The following GPR179 variants were observed in gnomAD, a reference collection of about 807,000 sequenced individuals.
GPR179 encodes G protein-coupled receptor 179.
In GPR179, 52 loss-of-function variants were observed where a neutral mutation model predicts 70.8. The observed-to-expected ratio is 0.73, with a 90% CI of 0.59 to 0.93. The LOEUF (loss-of-function observed/expected upper bound fraction) is 0.93. Among genes scored for constraint, GPR179 ranks in the 40% least tolerant of loss-of-function variants. GPR179 has a pLI of 0.00. For synonymous variants in GPR179, 1,123 were observed against 1,169.0 expected (o/e 0.96, Z 0.80); for missense variants, 2,734 against 2,966.8 (o/e 0.92, Z 1.82).
chr17:38,329,530 A>G lies in GPR179; in HGVS notation c.4039T>C (p.Ser1347Pro). The change falls in exon 11 of 11, where the codon TCT (serine) becomes CCT (proline). Residue 1347 changes from serine (S) to proline (P), a missense_variant. Coordinates refer to ENST00000616987, the MANE Select transcript of GPR179 (RefSeq NM_001004334.4). ...GCCTCCACACTGTCCCCCGCCTCAG[A>G]TTTGTCTCTGATTCTGCCAGGGTCC... ...PQDPGRIRDK[S>P]EAGDSVEARK... 2 of 1,613,622 alleles carry G rather than the reference A, an allele frequency of 1.2e-6. No individual in the cohort carries two copies. Among genetic ancestry groups the G allele is most frequent in the Non-Finnish European group, 1.7e-6 (2 of 1,179,920 alleles).
chr17:38,339,541 G>A lies in GPR179; in HGVS notation c.795-16C>T, dbSNP rs1307938553. The A allele has an allele frequency of 1.9e-5, 30 of 1,557,816 alleles. No homozygotes were observed. The highest frequency in any genetic ancestry group is 2.7e-5 in the Non-Finnish European group (30 of 1,128,870). ...CACCTGCCCCCTACGGCAGTGAATT[G>A]GCAATTAGGGGCACAGTGATTGATG... On this transcript the variant is annotated splice_polypyrimidine_tract_variant and intron_variant, in intron 1 of 10. Transcript: ENST00000616987.
intron 2 of GPR179, chr17:38,339,186 A>C: frequency 2.1e-6 from 1 of 479,432 alleles, no homozygotes; most frequent in Non-Finnish European, 3.7e-6. Flanking sequence ...TGAACTTTCA[A>C]AGGAATGAGG....
At position 38,334,294 on chromosome 17, in the gene GPR179, G is replaced by C. The variant is rs1157033621; in HGVS notation, c.1785-256C>G. ...CACAGACCTGTGCTCCAGACTCTTAGGCCCACTCTGTGGGTTAACTCTGCC... is the reference window on the plus strand; with the variant it reads ...CACAGACCTGTGCTCCAGACTCTTACGCCCACTCTGTGGGTTAACTCTGCC... On this transcript the variant is annotated intron_variant, in intron 8 of 10. Coordinates refer to ENST00000616987, the MANE Select transcript of GPR179 (RefSeq NM_001004334.4). This position sits in a 1 kb window ranked among gnomAD's most constrained non-coding sequence, Gnocchi z 4.7. Among the ~76,000 whole-genome samples the C allele has an allele frequency of 6.6e-6, 1 of 152,196 alleles. No individual in the cohort carries two copies. The highest frequency in any genetic ancestry group is 2.4e-5 in the African/African-American group (1 of 41,444).
chr17:38,335,545 G>T, intron 6 of GPR179, 46 bp downstream of exon 6: 1 of 1,322,472 alleles, frequency 7.6e-7, no homozygotes, highest in Non-Finnish European at 1.1e-6. Context: ...GAGCTGGGGT[G>T]GTCTGGGATG....
intron 5 of GPR179, among the ~76,000 whole-genome samples, 179 bp downstream of exon 5, chr17:38,335,894 CTAA>C (rs1567726122): frequency 6.6e-6 from 1 of 152,206 alleles, no homozygotes; most frequent in East Asian, 1.9e-4. Context: ...CACAGAGCTC[CTAA>C]TAAGCCTGAG....
In GPR179 at chr17:38,339,513, C is replaced by A. The variant is rs774820011; in HGVS notation, c.807G>T (p.Gln269His). ...DLSPEVRGQV[Q>H]MDVDLQSVDI... Reference sequence around the variant, plus strand: ...CCACACTCTGGAGATCTACGTCCATCTGCACCTGCCCCCTACGGCAGTGAA... The same window carrying A: ...CCACACTCTGGAGATCTACGTCCATATGCACCTGCCCCCTACGGCAGTGAA... Residue 269 changes from glutamine (Q) to histidine (H), a missense_variant, in exon 2 of 11, where the codon CAG becomes CAT. Physicochemically the swap from Gln to His is conservative, Grantham distance 24. Transcript: ENST00000616987. 1 of 1,613,658 alleles carries A rather than the reference C, an allele frequency of 6.2e-7. No homozygotes were observed. The highest frequency in any genetic ancestry group is 8.5e-7 in the Non-Finnish European group (1 of 1,179,564).
chr17:38,326,273 G>T lies in GPR179; in HGVS notation c.*192C>A. On this transcript the variant is annotated 3_prime_UTR_variant, in exon 11 of 11. Transcript: ENST00000616987. ...GAAAAGTTAGAAGTAAAGAGAGGGT[G>T]GGCCTTCCCATTGGGGTCTAAGCTG... 1 of 532,880 alleles carries T rather than the reference G, an allele frequency of 1.9e-6. No homozygotes were observed. The allele number at this position is 532,880 out of a possible 1,614,324, so 33.0% of individuals were successfully genotyped here.
In GPR179 at chr17:38,343,387, G is replaced by C; in HGVS notation, c.403C>G (p.Arg135Gly). ...CTTGGGTCCCCCTCGGCCACGCTGCGGACCAGTGCCTGGTACCATTCCACA... is the reference window on the plus strand; with the variant it reads ...CTTGGGTCCCCCTCGGCCACGCTGCCGACCAGTGCCTGGTACCATTCCACA... ...EDVEWYQALVRSVAEGDPRVY... is the reference protein window; with the variant it reads ...EDVEWYQALVGSVAEGDPRVY... Residue 135 changes from arginine to glycine, a missense_variant, in exon 1 of 11, where the codon CGC becomes GGC. Coordinates refer to ENST00000616987, the MANE Select transcript of GPR179 (RefSeq NM_001004334.4). This position sits in a 1 kb window ranked among gnomAD's most constrained non-coding sequence, Gnocchi z 4.2. 1 of 1,614,134 alleles carries C rather than the reference G, an allele frequency of 6.2e-7. No individual in the cohort carries two copies. Among genetic ancestry groups the C allele is most frequent in the Non-Finnish European group, 8.5e-7 (1 of 1,180,026 alleles).
Position 38,329,697 on chromosome 17 carries a change from CCT to C in GPR179, c.3870_3871del (p.Glu1292GlyfsTer56). 2.5e-6 allele frequency: 4 copies of C among 1,614,198 alleles called. No individual in the cohort carries two copies. The highest frequency in any genetic ancestry group is 3.4e-6 in the Non-Finnish European group (4 of 1,180,040). On this transcript the variant is annotated frameshift_variant, in exon 11 of 11. Coordinates refer to ENST00000616987, the MANE Select transcript of GPR179 (RefSeq NM_001004334.4). LOFTEE classifies it low-confidence loss of function (END_TRUNC). ...GGGCTCTGATTTTCCCCGGGCCTCC[CCT>C]CTCTTTTTTTGGGAGTCACCTGGGT...
chr17:38,339,221 G>A (rs556348724), intron 2 of GPR179, 196 bp downstream of exon 2: 1 of 527,076 alleles, frequency 1.9e-6, no homozygotes, highest in African/African-American at 2.0e-5. Flanking sequence ...AATAGGGGGT[G>A]GGGGGGCAGG....
rs140827780 is a variant in GPR179, at chr17:38,338,129, A to G, written c.904-409T>C. 1.9e-3 allele frequency among the ~76,000 whole-genome samples: 292 copies of G among 152,318 alleles called. 5 individuals are homozygous for G. The highest frequency in any genetic ancestry group is 0.016 in the Admixed American group (250 of 15,308). ...CTTCAAAGGGTCCCCATCAGCTTCCATCTTTGGCACACAAATGGACTGGAA... is the reference window on the plus strand; with the variant it reads ...CTTCAAAGGGTCCCCATCAGCTTCCGTCTTTGGCACACAAATGGACTGGAA... On this transcript the variant is annotated intron_variant, in intron 2 of 10. Transcript: ENST00000616987.
In GPR179 at chr17:38,327,717, C is replaced by G; in HGVS notation, c.5852G>C (p.Ser1951Thr). The G allele has an allele frequency of 2.5e-6, 4 of 1,614,174 alleles. No homozygotes were observed. The highest frequency in any genetic ancestry group is 3.4e-6 in the Non-Finnish European group (4 of 1,180,028). ...TGGACAGACGGATTGTAGCTCATGGCTTGTTTTTTCCCCATCTTCAGTAGT... is the reference window on the plus strand; with the variant it reads ...TGGACAGACGGATTGTAGCTCATGGGTTGTTTTTTCCCCATCTTCAGTAGT... The part of the protein sequence containing the change: ...EFTTEDGEKT[S>T]HELQSVCPWE... The change falls in exon 11 of 11, where the codon AGC becomes ACC. Residue 1951 changes from serine (S) to threonine (T), a missense_variant. Transcript: ENST00000616987.
Position 38,326,766 on chromosome 17 carries a change from G to A in GPR179, c.6803C>T (p.Pro2268Leu), listed in dbSNP as rs1275672251. The A allele has an allele frequency of 6.2e-7, 1 of 1,614,202 alleles. No individual in the cohort carries two copies. The highest frequency in any genetic ancestry group is 1.7e-5 in the Admixed American group (1 of 60,026). Residue 2268 changes from proline to leucine, a missense_variant, in exon 11 of 11, where the codon CCC (proline) becomes CTC (leucine). By Grantham distance (98) the Pro-to-Leu change is moderately conservative. Coordinates refer to ENST00000616987, the MANE Select transcript of GPR179 (RefSeq NM_001004334.4). The stretch of plus-strand genomic sequence containing the variant: ...GCATAGTGGTTTTTCAGGAGCTGTG[G>A]GGAAAAATTCTCTCCGAGTTGCTGT... The part of the protein sequence containing the change: ...ALTATRREFF[P>L]TAPEKPLCLL...
At position 38,327,737 on chromosome 17, in the gene GPR179, A is replaced by G. The variant is rs756528824; in HGVS notation, c.5832T>C (p.Thr1944=). ...CATGGCTTGTTTTTTCCCCATCTTC[A>G]GTAGTGAATTCTTCTGTGTCTGCAG... The part of the protein sequence containing the change: ...APAADTEEFT[T]EDGEKTSHEL... The change falls in exon 11 of 11, where the codon ACT becomes ACC. Residue 1944 remains threonine (T), a synonymous_variant. Transcript: ENST00000616987. The G allele has an allele frequency of 1.9e-6, 3 of 1,614,120 alleles. No homozygotes were observed. The highest frequency in any genetic ancestry group is 2.5e-6 in the Non-Finnish European group (3 of 1,180,024).
At position 38,329,108 on chromosome 17, in the gene GPR179, C is replaced by T. The variant is rs1389429183; in HGVS notation, c.4461G>A (p.Val1487=). The change falls in exon 11 of 11, where the codon GTG becomes GTA. Residue 1487 remains valine, a synonymous_variant. Transcript: ENST00000616987. ...EICPWELDDN[V]MGQEMLSLGT... ...CCAGACTCAGCATTTCCTGCCCCAT[C>T]ACGTTATCATCCAGCTCCCAGGGAC... 6.2e-7 allele frequency: 1 copy of T among 1,611,414 alleles called. No individual in the cohort carries two copies. The highest frequency in any genetic ancestry group is 1.7e-5 in the Admixed American group (1 of 59,724).
chr17:38,339,347 T>C (rs555453670), intron 2 of GPR179, 70 bp downstream of exon 2: 1 of 941,388 alleles, frequency 1.1e-6, no homozygotes. Flanking sequence ...GGGAGCTGCA[T>C]GGTGGCGGTG....
chr17:38,343,847 T>C lies in GPR179; in HGVS notation c.-58A>G. 2 of 1,384,892 alleles carry C rather than the reference T, an allele frequency of 1.4e-6. No homozygotes were observed. The highest frequency in any genetic ancestry group is 1.9e-6 in the Non-Finnish European group (2 of 1,050,110). 85.8% of individuals were successfully genotyped at this position (1,384,892 alleles called of 1,614,324 possible). ...GGCTCAGGAGAGCCCAGGCAGAGGC[T>C]GGCTGCAGTCTGGGGGCTGTCGGCC... On this transcript the variant is annotated 5_prime_UTR_variant, in exon 1 of 11. Coordinates refer to ENST00000616987, the MANE Select transcript of GPR179 (RefSeq NM_001004334.4). The surrounding 1 kb of genome is among the most constrained non-coding windows in gnomAD (Gnocchi z 4.2).
At chr17:38,337,807 A>C in intron 2 of GPR179, 87 bp from the exon 3 acceptor site, 1 of 1,121,726 alleles carries the variant, frequency 8.9e-7, no homozygotes, top group Non-Finnish European at 1.3e-6. Context: ...GGGTCCATCT[A>C]CCTCCCTATC....
rs558263678 is a variant in GPR179 at position 38,334,423 on chromosome 17, G to A, written c.1784+281C>T. Among the ~76,000 whole-genome samples, 7 of 152,296 alleles carry A rather than the reference G, an allele frequency of 4.6e-5. No individual in the cohort carries two copies. The South Asian group carries it at 1.0e-3, about 23-fold the overall frequency. The stretch of plus-strand genomic sequence containing the variant: ...GAGGACTGAGCATGTGTGGAAAGGG[G>A]TATGTTGGGGTGCTGGAGAGGTGCT... On this transcript the variant is annotated intron_variant, in intron 8 of 10. Transcript: ENST00000616987. The surrounding 1 kb of genome is among the most constrained non-coding windows in gnomAD (Gnocchi z 4.7).
Sources: allele counts gnomAD v4.1 joint callset (sites outside exome capture counted in the v4.1 genomes callset), GRCh38; gene constraint gnomAD v4.1.1; non-coding constraint Gnocchi (gnomAD v3.1); transcripts MANE v1.5; gene names NCBI Gene and HGNC (gene_info 2026-07-23, HGNC 2026-07-21).